The following PRIM2 variants were observed in gnomAD, a reference collection of about 807,000 sequenced individuals.
The protein encoded by PRIM2 is DNA primase large subunit.
In PRIM2, 39 loss-of-function variants were observed where a neutral mutation model predicts 67.3. The ratio of observed to expected loss-of-function variants is 0.58; its 90% CI spans 0.45 to 0.76. PRIM2 has a LOEUF of 0.76. PRIM2 is among the 30% of genes least tolerant of loss of function. PRIM2 has a pLI of 0.00. For synonymous variants in PRIM2, 143 were observed against 198.7 expected (o/e 0.72, Z 2.36); for missense variants, 398 against 598.7 (o/e 0.66, Z 3.50).
At chr6:57,334,985 C>T (rs1402546356) in intron 5 of PRIM2, among the ~76,000 whole-genome samples, 4 of 152,078 alleles carry the variant, frequency 2.6e-5, no homozygotes, top group Admixed American at 6.5e-5. Context: ...AGACAGTGGG[C>T]GCAGGTCAGT....
chr6:57,641,399 T>C (rs1472092335), intron 13 of PRIM2, among the ~76,000 whole-genome samples: 9 of 152,158 alleles, frequency 5.9e-5, no homozygotes, highest in African/African-American at 1.9e-4. Context: ...GAGATCTAAT[T>C]AAACTAAAGA....
At chr6:57,292,763 T>C in the PRIM2 span, among the ~76,000 whole-genome samples, 1 of 152,260 alleles carries the variant, frequency 6.6e-6, no homozygotes, top group African/African-American at 2.4e-5. Context: ...TAATAAATGG[T>C]GCTGGGAAAA....
intron 5 of PRIM2, among the ~76,000 whole-genome samples, chr6:57,336,341 T>C (rs1006036921): frequency 1.6e-4 from 25 of 151,548 alleles, no homozygotes; most frequent in African/African-American, 5.6e-4. Flanking sequence ...AACATTCAGA[T>C]TCAGGAAATA....
At chr6:57,465,482 A>G (rs1336493303) in intron 7 of PRIM2, among the ~76,000 whole-genome samples, 7 of 152,056 alleles carry the variant, frequency 4.6e-5, no homozygotes, top group Non-Finnish European at 1.0e-4. Flanking sequence ...TCTTCACGGA[A>G]CCTGTTTTAA....
At chr6:57,313,678 T>A (rs1767428293), upstream of PRIM2, among the ~76,000 whole-genome samples, 1 of 152,200 alleles carries the variant, frequency 6.6e-6, no homozygotes, top group Non-Finnish European at 1.5e-5. Flanking sequence ...TAACTCTGCA[T>A]TAGCTTTTAT....
chr6:57,504,709 A>G (rs1441900234), intron 7 of PRIM2, among the ~76,000 whole-genome samples: 1 of 152,188 alleles, frequency 6.6e-6, no homozygotes, highest in African/African-American at 2.4e-5. Context: ...AAAAAGAAAA[A>G]AAATTAAAAC....
chr6:57,458,627 G>T (rs1772890184), intron 7 of PRIM2, among the ~76,000 whole-genome samples: 1 of 152,206 alleles, frequency 6.6e-6, no homozygotes, highest in African/African-American at 2.4e-5. Flanking sequence ...AGAAGTTGCA[G>T]TGAGCCGAGG....
At chr6:57,637,317 G>C (rs1231278785) in intron 13 of PRIM2, among the ~76,000 whole-genome samples, 3 of 152,112 alleles carry the variant, frequency 2.0e-5, no homozygotes, top group Non-Finnish European at 4.4e-5. Context: ...GCGCAAAAAG[G>C]CTGAAAATTC....
chr6:57,507,147 CT>C (rs1159654016), intron 7 of PRIM2, among the ~76,000 whole-genome samples: 2 of 151,994 alleles, frequency 1.3e-5, no homozygotes, highest in Non-Finnish European at 2.9e-5. Context: ...TTTTGCTCAC[CT>C]TTTTCTTTAC....
At chr6:57,547,693 G>T in intron 10 of PRIM2, among the ~76,000 whole-genome samples, 1 of 152,088 alleles carries the variant, frequency 6.6e-6, no homozygotes, top group Non-Finnish European at 1.5e-5. Flanking sequence ...GTACAACATT[G>T]ATAATGCACA....
At chr6:57,368,807 T>G (rs549135795) in intron 5 of PRIM2, among the ~76,000 whole-genome samples, 1 of 152,268 alleles carries the variant, frequency 6.6e-6, no homozygotes, top group South Asian at 2.1e-4. Flanking sequence ...AGTTTATGCA[T>G]TGGTAACGAC....
intron 5 of PRIM2, among the ~76,000 whole-genome samples, chr6:57,332,349 G>C (rs1404990669): frequency 6.6e-6 from 1 of 152,084 alleles, no homozygotes; most frequent in African/African-American, 2.4e-5. Flanking sequence ...TGCTATTCTT[G>C]GTTGGAGTGT....
intron 13 of PRIM2, 59 bp downstream of exon 13, chr6:57,632,260 T>G (rs1363506120): frequency 9.3e-7 from 1 of 1,080,846 alleles, no homozygotes; most frequent in Non-Finnish European, 1.3e-6. Context: ...TGTGTCACAT[T>G]CAGGGTTTTT....
chr6:57,607,986 G>A (rs1776592455), intron 12 of PRIM2, among the ~76,000 whole-genome samples: 1 of 152,030 alleles, frequency 6.6e-6, no homozygotes, highest in Non-Finnish European at 1.5e-5. Context: ...TTGAAGCCAG[G>A]CTTTCTGACT....
intron 10 of PRIM2, among the ~76,000 whole-genome samples, chr6:57,589,204 A>C (rs1440415514): frequency 6.6e-6 from 1 of 152,164 alleles, no homozygotes; most frequent in Non-Finnish European, 1.5e-5. Context: ...ACCTAGAATG[A>C]TTCTAAATTG....
chr6:57,478,868 T>C (rs1176904815), intron 7 of PRIM2, among the ~76,000 whole-genome samples: 14,065 of 152,246 alleles, frequency 0.092, 722 homozygotes, highest in East Asian at 0.2. Context: ...TACATTCGGC[T>C]GGGCGCGGTG....
the PRIM2 span, among the ~76,000 whole-genome samples, chr6:57,252,629 C>T: frequency 2.6e-5 from 4 of 152,210 alleles, no homozygotes; most frequent in South Asian, 2.1e-4. Context: ...TTAGTGGAGA[C>T]GGGGTTTTGC....
rs1226744964 is a variant in PRIM2, at chr6:57,472,679, G to A, written c.694-34708G>A. ...GAGAATAGAGGAATTTAATCAGCAT[G>A]AAATCTTGGAATGTTCATATCTCAG... On this transcript the variant is annotated intron_variant, in intron 7 of 13. Transcript: ENST00000615550. Among the ~76,000 whole-genome samples, 10 of 152,268 alleles carry A rather than the reference G, an allele frequency of 6.6e-5. No individual in the cohort carries two copies. The South Asian group carries it at 2.1e-3, about 32-fold the overall frequency.
intron 12 of PRIM2, among the ~76,000 whole-genome samples, chr6:57,626,709 C>G (rs1395550682): frequency 6.6e-6 from 1 of 151,494 alleles, no homozygotes; most frequent in South Asian, 2.1e-4. Context: ...ACTGCAGCCT[C>G]GACCTCCCCG....
Sources: gnomAD v4.1 joint callset for allele counts (sites outside exome capture counted in the v4.1 genomes callset) on GRCh38, gnomAD v4.1.1 for gene constraint, MANE v1.5 for transcripts, NCBI Gene and HGNC (gene_info 2026-07-23, HGNC 2026-07-21) for gene names.